Variants in KDM2B observed in about 807,000 individuals in gnomAD.
The protein encoded by KDM2B is lysine demethylase 2B.
KDM2B carries 26 observed loss-of-function variants against 150.0 expected under a neutral mutation model. That is an observed-to-expected ratio of 0.17 (90% CI 0.13 to 0.24). The LOEUF (loss-of-function observed/expected upper bound fraction) is 0.24, where lower values mean the gene tolerates loss of function less well. Ranked by LOEUF, KDM2B falls within the 10% of genes least tolerant of loss-of-function variation. The pLI is 1.00. For synonymous variants in KDM2B, 734 were observed against 729.5 expected (o/e 1.01, Z -0.10); for missense variants, 1,265 against 1,816.9 (o/e 0.70, Z 5.52).
intron 12 of KDM2B, among the ~76,000 whole-genome samples, chr12:121,464,591 T>C (rs1879597406): frequency 6.6e-6 from 1 of 152,000 alleles, no homozygotes; most frequent in Non-Finnish European, 1.5e-5. Flanking sequence ...CAGCCAAAAC[T>C]CTGATGGGGT....
At chr12:121,561,417 T>C (rs1305581208) in intron 4 of KDM2B, among the ~76,000 whole-genome samples, 1 of 152,148 alleles carries the variant, frequency 6.6e-6, no homozygotes, top group Non-Finnish European at 1.5e-5. Context: ...GGTCACAGGT[T>C]CAAATCCGAC....
At chr12:121,495,453 G>A (rs1358833000) in intron 11 of KDM2B, among the ~76,000 whole-genome samples, 1 of 152,064 alleles carries the variant, frequency 6.6e-6, no homozygotes, top group African/African-American at 2.4e-5. Context: ...GAGCCAACAC[G>A]CCCAGCCATA....
chr12:121,501,819 C>T (rs970058240), intron 11 of KDM2B, among the ~76,000 whole-genome samples: 12 of 152,112 alleles, frequency 7.9e-5, no homozygotes, highest in African/African-American at 2.2e-4. Flanking sequence ...GATGGGGTTT[C>T]ACTATGTTGG....
the KDM2B span, among the ~76,000 whole-genome samples, chr12:121,415,546 G>A: frequency 1.3e-5 from 2 of 152,112 alleles, no homozygotes; most frequent in Admixed American, 6.6e-5. Context: ...AACCCAGGAG[G>A]TGGAGGTTGC....
chr12:121,539,772 C>T (rs1232157789), intron 6 of KDM2B, among the ~76,000 whole-genome samples: 3 of 152,060 alleles, frequency 2.0e-5, no homozygotes, highest in African/African-American at 7.2e-5. Flanking sequence ...CAGAGTCTTG[C>T]TCTTTTGCCC....
intron 10 of KDM2B, among the ~76,000 whole-genome samples, chr12:121,510,372 T>A (rs987348183): frequency 1.3e-4 from 20 of 152,240 alleles, no homozygotes; most frequent in African/African-American, 4.6e-4. Context: ...GCCTCCCGGG[T>A]TCAAGTGATC....
chr12:121,474,198 G>T (rs941772905), intron 12 of KDM2B, among the ~76,000 whole-genome samples: 1 of 152,136 alleles, frequency 6.6e-6, no homozygotes, highest in Non-Finnish European at 1.5e-5. Context: ...AAATGACAAT[G>T]AATTGTTCAC....
At chr12:121,567,706 C>CTTCT (rs1410733375) in intron 4 of KDM2B, among the ~76,000 whole-genome samples, 4 of 120,934 alleles carry the variant, frequency 3.3e-5, no homozygotes, top group African/African-American at 1.3e-4. Flanking sequence ...AAATACATTT[C>CTTCT]TTTTTTTTTT....
intron 4 of KDM2B, among the ~76,000 whole-genome samples, chr12:121,552,177 G>A (rs1000443613): frequency 6.6e-6 from 1 of 152,180 alleles, no homozygotes; most frequent in Non-Finnish European, 1.5e-5. Flanking sequence ...GTTCATCGTG[G>A]TCACAGCTCT....
At chr12:121,536,234 A>G (rs1253481142) in intron 6 of KDM2B, 1 of 286,680 alleles carries the variant, frequency 3.5e-6, no homozygotes, top group Non-Finnish European at 5.2e-6. Flanking sequence ...GCTCAGCAGT[A>G]TGCAGGCGGC....
In KDM2B at chr12:121,558,535, C is replaced by T. The variant is rs147814022; in HGVS notation, c.398-8897G>A. ...GTGGTGCGATCTCGGCTCACTGCAGCCTCCGCCTCTTGGGTTCAAGCGATT... is the reference window on the plus strand; with the variant it reads ...GTGGTGCGATCTCGGCTCACTGCAGTCTCCGCCTCTTGGGTTCAAGCGATT... On this transcript the variant is annotated intron_variant, in intron 4 of 22. Transcript: ENST00000377071. 4.9e-3 allele frequency among the ~76,000 whole-genome samples: 746 copies of T among 151,054 alleles called. 6 individuals are homozygous for T. The highest frequency in any genetic ancestry group is 0.017 in the African/African-American group (703 of 41,110).
intron 12 of KDM2B, among the ~76,000 whole-genome samples, chr12:121,465,722 G>A (rs1224414038): frequency 1.3e-5 from 2 of 152,210 alleles, no homozygotes; most frequent in Non-Finnish European, 2.9e-5. Context: ...CCAAAGCTCA[G>A]TGGAGACATC....
At chr12:121,436,891 A>C (rs1470599520) in intron 22 of KDM2B, among the ~76,000 whole-genome samples, 2 of 152,236 alleles carry the variant, frequency 1.3e-5, no homozygotes, top group Non-Finnish European at 2.9e-5. Flanking sequence ...AAGATGGTGG[A>C]GCAAAACCTC....
intron 12 of KDM2B, among the ~76,000 whole-genome samples, chr12:121,455,575 T>G (rs1878104490): frequency 6.6e-6 from 1 of 152,022 alleles, no homozygotes. Context: ...TGTAGTGGTG[T>G]GCACCTGCAG....
chr12:121,526,526 C>G (rs1887147264), intron 8 of KDM2B, among the ~76,000 whole-genome samples: 1 of 152,010 alleles, frequency 6.6e-6, no homozygotes, highest in Admixed American at 6.6e-5. Flanking sequence ...TTGCTCTGAC[C>G]TGGTCACTGT....
intron 4 of KDM2B, among the ~76,000 whole-genome samples, chr12:121,554,626 G>T (rs1214483765): frequency 6.6e-6 from 1 of 151,986 alleles, no homozygotes; most frequent in Non-Finnish European, 1.5e-5. Flanking sequence ...GTCCAGGCTG[G>T]TCTAGAACTC....
intron 8 of KDM2B, among the ~76,000 whole-genome samples, chr12:121,529,391 A>C (rs1422325014): frequency 1.3e-5 from 2 of 152,178 alleles, no homozygotes; most frequent in Non-Finnish European, 2.9e-5. Context: ...TGGCAGGAGG[A>C]GAGGTGCCTA....
At chr12:121,420,524 G>C in the KDM2B span, 1 of 1,591,764 alleles carries the variant, frequency 6.3e-7, no homozygotes, top group East Asian at 2.2e-5. Context: ...AGTTTAGAGT[G>C]GGGAGGGTCT....
intron 4 of KDM2B, among the ~76,000 whole-genome samples, chr12:121,573,952 A>G (rs1891309149): frequency 6.6e-6 from 1 of 152,064 alleles, no homozygotes; most frequent in South Asian, 2.1e-4. Context: ...ATCTGTTTGC[A>G]ACTCTGACCT....
Sources: gnomAD v4.1 joint callset for allele counts (sites outside exome capture counted in the v4.1 genomes callset) on GRCh38, gnomAD v4.1.1 for gene constraint, MANE v1.5 for transcripts, NCBI Gene and HGNC (gene_info 2026-07-23, HGNC 2026-07-21) for gene names.